MYH11: variants seen among roughly 807,000 people sequenced by gnomAD.
MYH11 encodes the protein myosin heavy chain 11.
A neutral mutation model predicts 246.6 loss-of-function variants in MYH11; 80 were observed. The observed-to-expected ratio is 0.32, with a 90% CI of 0.27 to 0.39. The LOEUF is 0.39. Ranked by LOEUF, MYH11 falls within the 10% of genes least tolerant of loss-of-function variation. The pLI is 1.00. For missense variants in MYH11, 2,158 were observed against 2,546.8 expected (o/e 0.85, Z 3.29); for synonymous variants, 1,071 against 1,015.5 (o/e 1.05, Z -1.04).
In MYH11 at chr16:15,715,013, C is replaced by T. The variant is rs2151192089; in HGVS notation, c.5682G>A (p.Gln1894=). 3 of 1,613,994 alleles carry T rather than the reference C, an allele frequency of 1.9e-6. No individual in the cohort carries two copies. Among genetic ancestry groups the T allele is most frequent in the Non-Finnish European group, 2.5e-6 (3 of 1,180,028 alleles). The part of the protein sequence containing the change: ...RQLEEAEEES[Q]RINANRRKLQ... ...GCTTCCTGCGGTTGGCGTTGATGCG[C>T]TGGGACTCCTCCTCTGCCTCCTCCA... Residue 1894 remains glutamine, a synonymous_variant, in exon 40 of 41, where the codon CAG becomes CAA. Coordinates refer to ENST00000300036, the MANE Select transcript of MYH11 (RefSeq NM_002474.3).
chr16:15,830,030 G>A (rs1021878082), intron 2 of MYH11, among the ~76,000 whole-genome samples: 1 of 152,112 alleles, frequency 6.6e-6, no homozygotes, highest in African/African-American at 2.4e-5. Context: ...AGCTACTCGG[G>A]AAGCTGAGGC....
intron 40 of MYH11, 69 bp downstream of exon 40, chr16:15,714,840 G>A: frequency 6.3e-7 from 1 of 1,592,558 alleles, no homozygotes. Flanking sequence ...CAGGCCGAAA[G>A]GAGCCCGAGC....
At chr16:15,714,470 G>T in intron 40 of MYH11, 2 of 231,994 alleles carry the variant, frequency 8.6e-6, no homozygotes, top group South Asian at 1.4e-4. Context: ...CCCCATACCC[G>T]AGAATAATGC....
In MYH11 at chr16:15,737,669, C is replaced by T. The variant is rs368496997; in HGVS notation, c.3122-49G>A. The stretch of plus-strand genomic sequence containing the variant: ...AGGAAGGGGAGGCCCCAGAGAGATG[C>T]CCGGAAATGAGCCTTCCTGCCCAGG... On this transcript the variant is annotated intron_variant, in intron 24 of 40. Coordinates refer to ENST00000300036, the MANE Select transcript of MYH11 (RefSeq NM_002474.3). The T allele has an allele frequency of 3.2e-5, 52 of 1,600,660 alleles. 1 individual carries two copies. The Middle Eastern group carries it at 8.2e-4, about 25-fold the overall frequency.
chr16:15,718,806 A>G (rs2040310597), intron 36 of MYH11: 1 of 412,792 alleles, frequency 2.4e-6, no homozygotes, highest in Non-Finnish European at 4.5e-6. Context: ...CCAATCTCAG[A>G]GGACGCTTCG....
intron 3 of MYH11, among the ~76,000 whole-genome samples, chr16:15,822,124 TC>T (rs1211142507): frequency 1.3e-5 from 2 of 152,178 alleles, no homozygotes; most frequent in African/African-American, 4.8e-5. Context: ...TATACCTGAG[TC>T]CCTCTATCTT....
intron 3 of MYH11, among the ~76,000 whole-genome samples, chr16:15,817,134 G>C (rs188910459): frequency 6.6e-6 from 1 of 152,182 alleles, no homozygotes; most frequent in Non-Finnish European, 1.5e-5. Flanking sequence ...GGAAGCTAAG[G>C]GTCTAATGCA....
chr16:15,819,891 C>T (rs62030634), intron 3 of MYH11, among the ~76,000 whole-genome samples: 20,812 of 152,116 alleles, frequency 0.14, 1,460 homozygotes, highest in East Asian at 0.15. Flanking sequence ...AGCGATCAAA[C>T]TCCACCGAAA....
In MYH11 at chr16:15,771,593, C is replaced by A; in HGVS notation, c.1009G>T (p.Gly337Cys). ...QETVEAMAIM[G>C]FSEEEQLSIL... is the part of the protein sequence containing the mutation. ...CATAGCTGCTCCTCCTCGCTGAAAC[C>A]CATGATTGCCATGGCCTCCACGGTT... Residue 337 changes from glycine (G) to cysteine (C), a missense_variant, in exon 9 of 41, where the codon GGT becomes TGT. This residue lies in a region of MYH11 where 75 missense variants were observed against 70.0 expected (regional missense o/e 1.07). Coordinates refer to ENST00000300036, the MANE Select transcript of MYH11 (RefSeq NM_002474.3). The A allele has an allele frequency of 6.2e-7, 1 of 1,614,004 alleles. No individual in the cohort carries two copies. The highest frequency in any genetic ancestry group is 8.5e-7 in the Non-Finnish European group (1 of 1,180,016).
At chr16:15,848,321 G>A (rs1436061134) in intron 1 of MYH11, among the ~76,000 whole-genome samples, 2 of 144,024 alleles carry the variant, frequency 1.4e-5, no homozygotes, top group African/African-American at 2.6e-5. Flanking sequence ...CAACCTCCAC[G>A]TTTCTGGGTT....
intron 31 of MYH11, among the ~76,000 whole-genome samples, chr16:15,722,347 CAT>C (rs1289220574): frequency 1.3e-5 from 2 of 152,222 alleles, no homozygotes; most frequent in Non-Finnish European, 2.9e-5. Flanking sequence ...GCCCTGCACA[CAT>C]ATCTCTCTGC....
intron 6 of MYH11, among the ~76,000 whole-genome samples, chr16:15,780,104 T>C (rs1287782927): frequency 2.6e-5 from 4 of 151,928 alleles, no homozygotes; most frequent in Non-Finnish European, 4.4e-5. Flanking sequence ...CGCCAGTGAG[T>C]GGAGGATGTT....
At chr16:15,842,881 T>C (rs1478167180) in intron 1 of MYH11, among the ~76,000 whole-genome samples, 1 of 151,920 alleles carries the variant, frequency 6.6e-6, no homozygotes, top group Non-Finnish European at 1.5e-5. Context: ...CAACATGTAT[T>C]GTCCTAAGTT....
intron 31 of MYH11, among the ~76,000 whole-genome samples, 156 bp downstream of exon 31, chr16:15,724,005 A>T (rs1484117516): frequency 6.6e-6 from 1 of 152,162 alleles, no homozygotes; most frequent in African/African-American, 2.4e-5. Context: ...TTAATGCTCC[A>T]TGGTCGCCCA....
intron 20 of MYH11, among the ~76,000 whole-genome samples, chr16:15,743,619 C>G (rs966660934): frequency 6.6e-6 from 1 of 152,214 alleles, no homozygotes; most frequent in Non-Finnish European, 1.5e-5. Context: ...GCTATGTACT[C>G]CAGCAGCTTG....
chr16:15,856,076 A>G (rs923660716), intron 1 of MYH11, among the ~76,000 whole-genome samples: 1 of 152,200 alleles, frequency 6.6e-6, no homozygotes, highest in Non-Finnish European at 1.5e-5. Flanking sequence ...TTGGTTGGGC[A>G]CGAGAGTGGC....
chr16:15,716,355 T>G (rs2040137143), intron 38 of MYH11, among the ~76,000 whole-genome samples: 1 of 152,156 alleles, frequency 6.6e-6, no homozygotes. Context: ...TTGCAGGGCG[T>G]GCGAATTACT....
intron 3 of MYH11, among the ~76,000 whole-genome samples, chr16:15,801,728 G>C (rs979564454): frequency 1.3e-5 from 2 of 151,738 alleles, no homozygotes; most frequent in African/African-American, 4.8e-5. Flanking sequence ...AGGCTGAGGC[G>C]GGCAGATCAC....
At chr16:15,731,567 C>T (rs2040962911) in intron 27 of MYH11, among the ~76,000 whole-genome samples, 2 of 152,046 alleles carry the variant, frequency 1.3e-5, no homozygotes, top group South Asian at 2.1e-4. Context: ...TCTGAGCTCA[C>T]TGCAACCTCT....
Sources: gnomAD v4.1 joint callset for allele counts (sites outside exome capture counted in the v4.1 genomes callset) on GRCh38, gnomAD v4.1.1 for gene constraint, gnomAD v4.1.1 regional missense constraint, MANE v1.5 for transcripts, NCBI Gene and HGNC (gene_info 2026-07-23, HGNC 2026-07-21) for gene names.